The following FLRT1 variants were observed in gnomAD, a reference collection of about 807,000 sequenced individuals.
FLRT1 encodes the protein fibronectin leucine rich transmembrane protein 1.
In FLRT1, 14 loss-of-function variants were observed where a neutral mutation model predicts 30.9. That is an observed-to-expected ratio of 0.45 (90% CI 0.30 to 0.71). FLRT1 has a LOEUF of 0.71. Ranked by LOEUF, FLRT1 falls within the 30% of genes least tolerant of loss-of-function variation. The pLI is 0.08. For missense variants in FLRT1, 737 were observed against 949.2 expected, an observed-to-expected ratio of 0.78 and a Z score of 2.94; for synonymous variants, 368 against 430.4, an observed-to-expected ratio of 0.85 and a Z score of 1.80.
rs543546427 is a variant in FLRT1 at position 64,050,146 on chromosome 11, C to T, written c.-1038+13987C>T. Among the ~76,000 whole-genome samples the T allele has an allele frequency of 4.6e-5, 7 of 152,236 alleles. No homozygotes were observed. In the South Asian group the frequency reaches 8.3e-4, roughly 18 times the overall value. On this transcript the variant is annotated intron_variant, in intron 1 of 2. Transcript: ENST00000682287. The stretch of plus-strand genomic sequence containing the variant: ...CCACAGGGAAGCCGGGTGCAGGCTC[C>T]GTCTTCACCCTGCCACTCCCACCTC...
At chr11:64,060,015 C>T (rs1293932968) in intron 1 of FLRT1, among the ~76,000 whole-genome samples, 1 of 152,176 alleles carries the variant, frequency 6.6e-6, no homozygotes, top group Non-Finnish European at 1.5e-5. Flanking sequence ...GTCCAGGGGC[C>T]CCCCTCCCAC....
intron 1 of FLRT1, among the ~76,000 whole-genome samples, chr11:64,065,446 C>CTCT (rs1943980890): frequency 6.6e-6 from 1 of 152,140 alleles, no homozygotes; most frequent in South Asian, 2.1e-4. Context: ...ACTGAGGCTC[C>CTCT]AGAGAGCCTG....
chr11:64,089,297 G>C (rs1421668559), intron 1 of FLRT1, among the ~76,000 whole-genome samples: 1 of 152,166 alleles, frequency 6.6e-6, no homozygotes, highest in African/African-American at 2.4e-5. Flanking sequence ...GTGAGACCGG[G>C]GTAGGGCAGC....
rs775054023 is a variant in FLRT1 at position 64,118,077 on chromosome 11, G to A, written c.1810G>A (p.Gly604Arg). The stretch of plus-strand genomic sequence containing the variant: ...GAAAAAGGATGACTATATGGAGTCA[G>A]GGACCAAGAAGGATAACTCCATCCT... ...SRKKDDYMES[G>R]TKKDNSILEI... Residue 604 changes from glycine (G) to arginine (R), a missense_variant, in exon 3 of 3, where the codon GGG becomes AGG. By Grantham distance (125) the Gly-to-Arg change is moderately radical. Coordinates refer to ENST00000682287, the MANE Select transcript of FLRT1 (RefSeq NM_013280.5). The A allele has an allele frequency of 5.0e-6, 8 of 1,612,614 alleles. No homozygotes were observed. Among genetic ancestry groups the A allele is most frequent in the Admixed American group, 1.7e-5 (1 of 59,990 alleles).
At position 64,036,368 on chromosome 11, in the gene FLRT1, G is replaced by A. The variant is rs960061532; in HGVS notation, c.-1038+209G>A. Among the ~76,000 whole-genome samples the A allele has an allele frequency of 7.9e-4, 121 of 152,280 alleles. No individual in the cohort carries two copies. The highest frequency in any genetic ancestry group is 1.2e-3 in the Non-Finnish European group (79 of 68,006). ...GAGTCAAGAGCCAAGCACCAGTAGC[G>A]GTGGCGCTGGCCCCGCCGCGGGGAG... On this transcript the variant is annotated intron_variant, in intron 1 of 2. Coordinates refer to ENST00000682287, the MANE Select transcript of FLRT1 (RefSeq NM_013280.5). The surrounding 1 kb of genome is among the most constrained non-coding windows in gnomAD (Gnocchi z 5.6).
At chr11:64,097,703 C>G (rs1166321711) in intron 1 of FLRT1, among the ~76,000 whole-genome samples, 2 of 152,236 alleles carry the variant, frequency 1.3e-5, no homozygotes, top group Non-Finnish European at 2.9e-5. Flanking sequence ...CCCTGCTACT[C>G]GGGTGCCATG....
intron 1 of FLRT1, among the ~76,000 whole-genome samples, chr11:64,060,157 T>C (rs1288887410): frequency 6.6e-6 from 1 of 152,248 alleles, no homozygotes; most frequent in East Asian, 1.9e-4. Flanking sequence ...TGAATGAATA[T>C]TTAAGGCGCG....
At position 64,095,023 on chromosome 11, in the gene FLRT1, G is replaced by A. The variant is rs191187156; in HGVS notation, c.-1037-8171G>A. On this transcript the variant is annotated intron_variant, in intron 1 of 2. Transcript: ENST00000682287. The stretch of plus-strand genomic sequence containing the variant: ...GCCTCGTTATTAACAAAAGTGTGCC[G>A]CGAATGCTTTCTCTTCCTGCTTCTC... Among the ~76,000 whole-genome samples the A allele has an allele frequency of 5.5e-4, 84 of 152,262 alleles. 1 individual carries two copies. In the East Asian group the frequency reaches 0.016, roughly 29 times the overall value.
chr11:64,052,948 ATC>A (rs1312088469), intron 1 of FLRT1, among the ~76,000 whole-genome samples: 2 of 152,190 alleles, frequency 1.3e-5, no homozygotes, highest in African/African-American at 4.8e-5. Flanking sequence ...GGTCAGGGCC[ATC>A]TCTCTTTCCC....
At chr11:64,038,329 G>A (rs915635629) in intron 1 of FLRT1, among the ~76,000 whole-genome samples, 1 of 152,244 alleles carries the variant, frequency 6.6e-6, no homozygotes, top group African/African-American at 2.4e-5. Flanking sequence ...GCCTGCGCAG[G>A]GGTTTACAGC....
intron 1 of FLRT1, among the ~76,000 whole-genome samples, chr11:64,050,680 G>A (rs1441069032): frequency 2.0e-5 from 3 of 152,200 alleles, no homozygotes; most frequent in South Asian, 4.1e-4. Context: ...GTGCAGTGGC[G>A]CGATCATGGC....
chr11:64,094,123 C>T (rs2134533799), intron 1 of FLRT1, among the ~76,000 whole-genome samples: 1 of 152,298 alleles, frequency 6.6e-6, no homozygotes, highest in African/African-American at 2.4e-5. Context: ...ATGGTGAAAC[C>T]CCGACTCTAT....
rs1023645151 is a variant in FLRT1, at chr11:64,064,691, G to A, written c.-1038+28532G>A. The stretch of plus-strand genomic sequence containing the variant: ...TAAACGGCACCGAGATAGAAGGAGG[G>A]GGGCCCTCCCTGAGTTCTCCTCTCC... On this transcript the variant is annotated intron_variant, in intron 1 of 2. Transcript: ENST00000682287. The surrounding 1 kb of genome is among the most constrained non-coding windows in gnomAD (Gnocchi z 4.5). Among the ~76,000 whole-genome samples the A allele has an allele frequency of 1.3e-5, 2 of 149,058 alleles. No individual in the cohort carries two copies. Among genetic ancestry groups the A allele is most frequent in the African/African-American group, 4.9e-5 (2 of 40,806 alleles).
rs763578691 is a variant in FLRT1 at position 64,118,090 on chromosome 11, A to T, written c.1823A>T (p.Asp608Val). ...DDYMESGTKK[D>V]NSILEIRGPG... is the part of the protein sequence containing the mutation. ...TATATGGAGTCAGGGACCAAGAAGG[A>T]TAACTCCATCCTGGAAATCCGCGGC... The change falls in exon 3 of 3, where the codon GAT becomes GTT. Residue 608 changes from aspartate (D) to valine (V), a missense_variant. Asp to Val is a radical substitution (Grantham distance 152). Transcript: ENST00000682287. 8 of 1,611,962 alleles carry T rather than the reference A, an allele frequency of 5.0e-6. No homozygotes were observed. The highest frequency in any genetic ancestry group is 6.8e-6 in the Non-Finnish European group (8 of 1,178,498).
chr11:64,071,570 C>A (rs567397294), intron 1 of FLRT1, among the ~76,000 whole-genome samples: 1 of 152,210 alleles, frequency 6.6e-6, no homozygotes. Flanking sequence ...GAAACCTTGC[C>A]CCTTAGTTTC....
chr11:64,060,297 T>G (rs1344104535), intron 1 of FLRT1: 2 of 152,188 alleles, frequency 1.3e-5, no homozygotes, highest in Non-Finnish European at 2.9e-5. Context: ...TTCCTCCGCC[T>G]GCAGGCCGAT....
intron 1 of FLRT1, among the ~76,000 whole-genome samples, chr11:64,076,249 G>A (rs2701547): frequency 0.027 from 4,136 of 152,238 alleles, 182 homozygotes; most frequent in African/African-American, 0.092. Context: ...AGACCCTCCA[G>A]CCCTCACCAG....
At chr11:64,112,295 C>T (rs1418280944) in intron 2 of FLRT1, among the ~76,000 whole-genome samples, 2 of 152,098 alleles carry the variant, frequency 1.3e-5, no homozygotes, top group Non-Finnish European at 2.9e-5. Flanking sequence ...AGGTGGATCA[C>T]GAGGTCAAGA....
At chr11:64,106,890 AT>A (rs988619028) in intron 2 of FLRT1, among the ~76,000 whole-genome samples, 1 of 150,280 alleles carries the variant, frequency 6.7e-6, no homozygotes, top group Admixed American at 6.6e-5. Flanking sequence ...ATTTTATTTT[AT>A]TTTTTTTTGA....
Sources: gnomAD v4.1 joint callset for allele counts (sites outside exome capture counted in the v4.1 genomes callset) on GRCh38, gnomAD v4.1.1 for gene constraint, Gnocchi (gnomAD v3.1) non-coding constraint, MANE v1.5 for transcripts, NCBI Gene and HGNC (gene_info 2026-07-23, HGNC 2026-07-21) for gene names.